Variants in GTF2A1L observed in about 807,000 individuals in gnomAD.
GTF2A1L encodes general transcription factor IIA subunit 1 like.
In GTF2A1L, 48 loss-of-function variants were observed where a neutral mutation model predicts 49.7. The observed-to-expected ratio is 0.97, with a 90% confidence interval of 0.77 to 1.23. The LOEUF (loss-of-function observed/expected upper bound fraction) is 1.23. Ranked by LOEUF, GTF2A1L falls within the 50% of genes most tolerant of loss-of-function variation. GTF2A1L has a pLI of 0.00. For missense variants in GTF2A1L, 736 were observed against 564.8 expected (o/e 1.30, Z -3.07); for synonymous variants, 246 against 193.5 (o/e 1.27, Z -2.25).
At chr2:48,674,884 C>G (rs1372241111) in intron 8 of GTF2A1L, among the ~76,000 whole-genome samples, 3 of 151,878 alleles carry the variant, frequency 2.0e-5, no homozygotes, top group Non-Finnish European at 2.9e-5. Context: ...AACCCTTCTA[C>G]TTAGTGAATA....
chr2:48,625,021 T>G lies in GTF2A1L; in HGVS notation c.247+3731T>G, dbSNP rs980879755. On this transcript the variant is annotated intron_variant, in intron 3 of 8. Transcript: ENST00000403751. ...ATCGTGAGTAATATTGCAATGAACT[T>G]GGAAGTGTAGATATTTTTATGAGGT... Among the ~76,000 whole-genome samples the G allele has an allele frequency of 1.0e-4, 15 of 144,324 alleles. 1 individual carries two copies. Among genetic ancestry groups the G allele is most frequent in the African/African-American group, 3.7e-4 (15 of 40,498 alleles). 94.7% of individuals were successfully genotyped at this position (144,324 alleles called of 152,430 possible).
At chr2:48,662,728 A>G (rs867937473) in intron 6 of GTF2A1L, among the ~76,000 whole-genome samples, 2 of 151,298 alleles carry the variant, frequency 1.3e-5, no homozygotes, top group African/African-American at 4.9e-5. Context: ...CGGCTGAGGA[A>G]TCTGCCAAAA....
chr2:48,638,595 A>C (rs905076813), intron 3 of GTF2A1L, among the ~76,000 whole-genome samples: 12 of 152,324 alleles, frequency 7.9e-5, no homozygotes, highest in Middle Eastern at 6.8e-3. Context: ...CAAGCCATCT[A>C]TGACAAACCT....
intron 6 of GTF2A1L, among the ~76,000 whole-genome samples, chr2:48,654,647 G>A (rs1678068303): frequency 6.6e-6 from 1 of 152,162 alleles, no homozygotes; most frequent in African/African-American, 2.4e-5. Context: ...GCCTCTCAAA[G>A]TGCTGGGGAA....
At chr2:48,623,328 TTGTC>T (rs1157816794) in intron 3 of GTF2A1L, among the ~76,000 whole-genome samples, 5 of 152,230 alleles carry the variant, frequency 3.3e-5, no homozygotes, top group Non-Finnish European at 7.3e-5. Context: ...TCATTTGCCT[TTGTC>T]TGTACCATCT....
At chr2:48,631,716 C>T (rs908705259) in intron 3 of GTF2A1L, among the ~76,000 whole-genome samples, 2 of 151,826 alleles carry the variant, frequency 1.3e-5, no homozygotes, top group African/African-American at 4.8e-5. Context: ...AGGGTTAGTT[C>T]TTGTTTTTCT....
intron 1 of GTF2A1L, among the ~76,000 whole-genome samples, chr2:48,619,718 C>T (rs942427584): frequency 6.6e-5 from 10 of 152,166 alleles, no homozygotes; most frequent in Non-Finnish European, 1.5e-4. Flanking sequence ...ATTGTCAGCA[C>T]ATAGCATTGC....
At position 48,669,766 on chromosome 2, in the gene GTF2A1L, T is replaced by A; in HGVS notation, c.1023T>A (p.Asp341Glu). 6.2e-7 allele frequency: 1 copy of A among 1,613,954 alleles called. No individual in the cohort carries two copies. The highest frequency in any genetic ancestry group is 8.5e-7 in the Non-Finnish European group (1 of 1,179,950). ...ATTTAAGCATTCGGGTTACTGATGA[T>A]GATATTGGTGAAATAATTCAAGTAG... ...QVDLSIRVTD[D>E]DIGEIIQVDG... Residue 341 changes from aspartate (D) to glutamate (E), a missense_variant, in exon 7 of 9, where the codon GAT (aspartate) becomes GAA (glutamate). By Grantham distance (45) the Asp-to-Glu change is conservative. Coordinates refer to ENST00000403751, the MANE Select transcript of GTF2A1L (RefSeq NM_006872.5).
At chr2:48,656,251 T>C (rs1378166766) in intron 6 of GTF2A1L, among the ~76,000 whole-genome samples, 2 of 151,988 alleles carry the variant, frequency 1.3e-5, no homozygotes, top group East Asian at 1.9e-4. Flanking sequence ...TATTAGGAAC[T>C]GCCATACAGT....
At chr2:48,656,349 T>TTTTTTTTTTTG in intron 6 of GTF2A1L, among the ~76,000 whole-genome samples, 2 of 7,436 alleles carry the variant, frequency 2.7e-4, no homozygotes, top group Non-Finnish European at 6.4e-4. Context: ...TTATTTTCTG[T>TTTTTTTTTTTG]TTTTTTTTTT....
In GTF2A1L at chr2:48,669,855, A is replaced by C; in HGVS notation, c.1112A>C (p.Glu371Ala). 1 of 1,614,068 alleles carries C rather than the reference A, an allele frequency of 6.2e-7. No homozygotes were observed. The highest frequency in any genetic ancestry group is 1.1e-5 in the South Asian group (1 of 91,082). Residue 371 changes from glutamate (E) to alanine (A), a missense_variant, in exon 7 of 9, where the codon GAA becomes GCA. Physicochemically the swap from Glu to Ala is moderately radical, Grantham distance 107. Coordinates refer to ENST00000403751, the MANE Select transcript of GTF2A1L (RefSeq NM_006872.5). ...IGSTRDADEN[E>A]FLGNIDGGDL... ...AGTACAAGAGATGCAGATGAGAATGAATTTCTAGGGAATATTGACGGGGGA... is the reference window on the plus strand; with the variant it reads ...AGTACAAGAGATGCAGATGAGAATGCATTTCTAGGGAATATTGACGGGGGA...
chr2:48,674,181 A>G (rs1373968527), intron 8 of GTF2A1L, among the ~76,000 whole-genome samples: 1 of 152,068 alleles, frequency 6.6e-6, no homozygotes, highest in Non-Finnish European at 1.5e-5. Flanking sequence ...CTATTAGACT[A>G]TTTTCCAAAG....
chr2:48,668,625 A>T (rs377629223), intron 6 of GTF2A1L: 2 of 152,228 alleles, frequency 1.3e-5, no homozygotes. Context: ...AGGTCAGCAG[A>T]TCTACATCAT....
rs760000007 is a variant in GTF2A1L, at chr2:48,621,282, C to T, written c.239C>T (p.Ser80Leu). ...LPHSLHQTLQ[S>L]STASLVIPAG... The stretch of plus-strand genomic sequence containing the variant: ...CACAGCTTGCACCAAACATTGCAAT[C>T]GTCAACAGGTTGGATACCATTAGTA... The change falls in exon 3 of 9, where the codon TCG (serine) becomes TTG (leucine). Residue 80 changes from serine to leucine, a missense_variant. Ser to Leu is a moderately radical substitution (Grantham distance 145). Transcript: ENST00000403751. 3.5e-5 allele frequency: 57 copies of T among 1,613,916 alleles called. No individual in the cohort carries two copies. Among genetic ancestry groups the T allele is most frequent in the South Asian group, 1.5e-4 (14 of 91,070 alleles).
intron 6 of GTF2A1L, among the ~76,000 whole-genome samples, chr2:48,662,262 A>T (rs908079489): frequency 1.3e-5 from 2 of 152,210 alleles, no homozygotes; most frequent in Non-Finnish European, 2.9e-5. Context: ...TTGTCTTTTA[A>T]ATGATGTAGA....
intron 5 of GTF2A1L, among the ~76,000 whole-genome samples, chr2:48,645,646 C>T (rs6747134): frequency 2.0e-5 from 3 of 151,970 alleles, no homozygotes; most frequent in Non-Finnish European, 4.4e-5. Flanking sequence ...ACTCAACACT[C>T]AAAAATAAGT....
intron 6 of GTF2A1L, among the ~76,000 whole-genome samples, chr2:48,657,675 C>A (rs1014566665): frequency 1.3e-5 from 2 of 151,992 alleles, no homozygotes; most frequent in African/African-American, 4.8e-5. Flanking sequence ...AATCTCCAAA[C>A]TGCTTTCCAC....
At chr2:48,617,952 G>C (rs1484998792) in intron 1 of GTF2A1L, 57 bp downstream of exon 1, 1 of 1,515,302 alleles carries the variant, frequency 6.6e-7, no homozygotes, top group Non-Finnish European at 9.0e-7. Context: ...CGGGTTCACG[G>C]CAGCCGAACC....
rs114132233 is a variant in GTF2A1L at position 48,659,419 on chromosome 2, A to G, written c.979-10303A>G. The stretch of plus-strand genomic sequence containing the variant: ...GAAATCAAGAAATTTAAGACTTTCA[A>G]TTTGATTCTTCTTTTTCAAGATTGT... On this transcript the variant is annotated intron_variant, in intron 6 of 8. Coordinates refer to ENST00000403751, the MANE Select transcript of GTF2A1L (RefSeq NM_006872.5). 7.5e-3 allele frequency among the ~76,000 whole-genome samples: 1,139 copies of G among 152,194 alleles called. 8 individuals carry two copies. The highest frequency in any genetic ancestry group is 0.026 in the African/African-American group (1,095 of 41,550).
Sources: allele counts gnomAD v4.1 joint callset (sites outside exome capture counted in the v4.1 genomes callset), GRCh38; gene constraint gnomAD v4.1.1; transcripts MANE v1.5; gene names NCBI Gene and HGNC (gene_info 2026-07-23, HGNC 2026-07-21).